SPECC1: variants seen among roughly 807,000 people sequenced by gnomAD.
SPECC1 encodes the protein cytospin-B.
In SPECC1, 62 loss-of-function variants were observed where a neutral mutation model predicts 104.1. The ratio of observed to expected loss-of-function variants is 0.60; its 90% CI spans 0.49 to 0.74. The LOEUF (loss-of-function observed/expected upper bound fraction) is 0.74. SPECC1 is among the 30% of genes least tolerant of loss of function. SPECC1 has a pLI of 0.00. For synonymous variants in SPECC1, 513 were observed against 501.6 expected (o/e 1.02, Z -0.30); for missense variants, 1,306 against 1,310.5 (o/e 1.00, Z 0.05).
At chr17:20,302,413 G>A (rs1006711555) in intron 13 of SPECC1, among the ~76,000 whole-genome samples, 2 of 152,138 alleles carry the variant, frequency 1.3e-5, no homozygotes, top group Non-Finnish European at 2.9e-5. Flanking sequence ...GAGGCCCTTC[G>A]GAGCTGCTGC....
intron 1 of SPECC1, among the ~76,000 whole-genome samples, chr17:20,071,706 A>AT (rs538159227): frequency 1.4e-3 from 216 of 152,096 alleles, no homozygotes; most frequent in Non-Finnish European, 1.3e-3. Flanking sequence ...TGTAAGTAGG[A>AT]TTTTTTTTAA....
At chr17:20,116,086 TTTTA>T (rs1310372952) in intron 3 of SPECC1, among the ~76,000 whole-genome samples, 9 of 152,046 alleles carry the variant, frequency 5.9e-5, no homozygotes, top group Non-Finnish European at 1.0e-4. Flanking sequence ...TTTTTATTTA[TTTTA>T]TTTATTTATT....
intron 1 of SPECC1, among the ~76,000 whole-genome samples, 171 bp from the exon 2 acceptor site, chr17:20,096,460 A>G (rs1468946257): frequency 1.3e-5 from 2 of 152,222 alleles, no homozygotes; most frequent in Non-Finnish European, 2.9e-5. Context: ...AAATTAGCCT[A>G]GTATAAAGCC....
chr17:20,213,926 C>T (rs1370493266), intron 4 of SPECC1, among the ~76,000 whole-genome samples: 1 of 152,076 alleles, frequency 6.6e-6, no homozygotes, highest in Non-Finnish European at 1.5e-5. Flanking sequence ...CCATTTAAAT[C>T]ACGTAAGTCT....
chr17:20,296,663 T>C (rs2041361834), intron 12 of SPECC1, among the ~76,000 whole-genome samples: 1 of 152,230 alleles, frequency 6.6e-6, no homozygotes, highest in Non-Finnish European at 1.5e-5. Context: ...GCATGGAATG[T>C]TCTTCCATTT....
chr17:20,192,483 A>G (rs1416574999), intron 3 of SPECC1, among the ~76,000 whole-genome samples: 2 of 152,142 alleles, frequency 1.3e-5, no homozygotes, highest in Non-Finnish European at 2.9e-5. Flanking sequence ...TCCTAGTGTC[A>G]TAATATCACT....
chr17:20,082,974 G>A (rs1002688642), intron 1 of SPECC1, among the ~76,000 whole-genome samples: 3 of 139,760 alleles, frequency 2.1e-5, no homozygotes, highest in Admixed American at 7.0e-5. Flanking sequence ...TCGTTCGTTC[G>A]TTCGTTCGTT....
intron 3 of SPECC1, among the ~76,000 whole-genome samples, chr17:20,170,919 G>T (rs1297147926): frequency 6.6e-6 from 1 of 152,088 alleles, no homozygotes; most frequent in East Asian, 1.9e-4. Context: ...ATCTGCCAGA[G>T]AATTCATCTC....
intron 13 of SPECC1, among the ~76,000 whole-genome samples, chr17:20,297,706 A>T (rs2041401524): frequency 6.6e-6 from 1 of 152,220 alleles, no homozygotes; most frequent in African/African-American, 2.4e-5. Context: ...TTATTTACAA[A>T]AACAGGCTAT....
At chr17:20,132,985 C>T (rs575343761) in intron 3 of SPECC1, among the ~76,000 whole-genome samples, 6 of 152,182 alleles carry the variant, frequency 3.9e-5, no homozygotes, top group South Asian at 2.1e-4. Context: ...GTGATCCTGC[C>T]GCCTCGGCCT....
At chr17:20,137,236 G>T (rs1046122673) in intron 3 of SPECC1, among the ~76,000 whole-genome samples, 1 of 152,184 alleles carries the variant, frequency 6.6e-6, no homozygotes, top group African/African-American at 2.4e-5. Flanking sequence ...TTTAGGAACC[G>T]TCCCCTTTCT....
chr17:20,038,451 G>A (rs1456248862), intron 1 of SPECC1, among the ~76,000 whole-genome samples: 1 of 138,972 alleles, frequency 7.2e-6, no homozygotes, highest in African/African-American at 2.7e-5. Flanking sequence ...CCAGGCTGGC[G>A]TGCAGTGGCA....
chr17:20,231,156 A>T (rs912000896), intron 5 of SPECC1, among the ~76,000 whole-genome samples: 2 of 152,176 alleles, frequency 1.3e-5, no homozygotes, highest in African/African-American at 4.8e-5. Context: ...GCAGGCAACC[A>T]CCTGGGAAGA....
At chr17:20,191,531 C>T (rs549909744) in intron 3 of SPECC1, among the ~76,000 whole-genome samples, 26 of 139,708 alleles carry the variant, frequency 1.9e-4, no homozygotes, top group African/African-American at 6.7e-4. Flanking sequence ...TTCTGGGGTA[C>T]ATGTGCAGAA....
chr17:20,204,957 A>C lies in SPECC1; in HGVS notation c.908A>C (p.Asn303Thr). 1 of 1,614,184 alleles carries C rather than the reference A, an allele frequency of 6.2e-7. No individual in the cohort carries two copies. The highest frequency in any genetic ancestry group is 8.5e-7 in the Non-Finnish European group (1 of 1,180,012). The change falls in exon 4 of 15, where the codon AAC (asparagine) becomes ACC (threonine). Residue 303 changes from asparagine to threonine, a missense_variant. By Grantham distance (65) the Asn-to-Thr change is moderately conservative. Around this residue, in one of 2 missense-constraint regions of SPECC1, gnomAD observed 1,177 missense variants for 1,139.9 expected, o/e 1.03. Coordinates refer to ENST00000395527, the MANE Select transcript of SPECC1 (RefSeq NM_001243439.2). ...AGTGACATTGATGAGTATAAAAAAA[A>C]CATACATGGAAATGCATTACGGACA... ...MSSDIDEYKK[N>T]IHGNALRTSG...
At chr17:20,080,413 A>G (rs1439594520) in intron 1 of SPECC1, among the ~76,000 whole-genome samples, 1 of 152,100 alleles carries the variant, frequency 6.6e-6, no homozygotes, top group Non-Finnish European at 1.5e-5. Flanking sequence ...AGCCAGCAAC[A>G]CATTACAACC....
chr17:20,179,112 A>G (rs1392687359), intron 3 of SPECC1, among the ~76,000 whole-genome samples: 1 of 152,266 alleles, frequency 6.6e-6, no homozygotes, highest in African/African-American at 2.4e-5. Flanking sequence ...TGGCTAATAA[A>G]TTTTTAAAGA....
chr17:20,082,583 A>G (rs2047015707), intron 1 of SPECC1, among the ~76,000 whole-genome samples: 1 of 152,004 alleles, frequency 6.6e-6, no homozygotes, highest in African/African-American at 2.4e-5. Flanking sequence ...GCAACAGAGC[A>G]AGACCCTGTC....
chr17:20,256,517 G>A (rs2039835991), intron 10 of SPECC1, among the ~76,000 whole-genome samples: 1 of 152,142 alleles, frequency 6.6e-6, no homozygotes. Context: ...CCCCTAATTG[G>A]TGGCAGTGAG....
Sources: gnomAD v4.1 joint callset for allele counts (sites outside exome capture counted in the v4.1 genomes callset) on GRCh38, gnomAD v4.1.1 for gene constraint, gnomAD v4.1.1 regional missense constraint, MANE v1.5 for transcripts, NCBI Gene and HGNC (gene_info 2026-07-23, HGNC 2026-07-21) for gene names.